CD82: variants seen among roughly 807,000 people sequenced by gnomAD.
The protein encoded by CD82 is CD82 molecule.
CD82 carries 36 observed loss-of-function variants against 37.4 expected under a neutral mutation model. The observed-to-expected ratio is 0.96, with a 90% CI of 0.74 to 1.27. The LOEUF (loss-of-function observed/expected upper bound fraction) is 1.27, where lower values mean the gene tolerates loss of function less well. Among genes scored for constraint, CD82 ranks in the 50% most tolerant of loss-of-function variants. The probability of loss-of-function intolerance (pLI) is 0.00; values close to 1 mark genes in which losing one functional copy is unlikely to be tolerated. For synonymous variants in CD82, 158 were observed against 137.4 expected (o/e 1.15, Z -1.05); for missense variants, 340 against 347.0 (o/e 0.98, Z 0.16).
chr11:44,600,607 G>A (rs16938020), intron 4 of CD82, among the ~76,000 whole-genome samples: 27,684 of 152,182 alleles, frequency 0.18, 2,793 homozygotes, highest in East Asian at 0.27. Flanking sequence ...AGGGATGTAG[G>A]AAAGATAGTC....
At chr11:44,613,062 C>T (rs1853509319) in intron 6 of CD82, among the ~76,000 whole-genome samples, 1 of 152,166 alleles carries the variant, frequency 6.6e-6, no homozygotes. Context: ...GGAAGCTCCA[C>T]CAACAGGGTT....
intron 2 of CD82, among the ~76,000 whole-genome samples, chr11:44,592,186 G>A (rs1853155044): frequency 6.6e-6 from 1 of 152,196 alleles, no homozygotes; most frequent in Non-Finnish European, 1.5e-5. Context: ...CAGAGGATGT[G>A]TGAGCTGGAA....
intron 7 of CD82, among the ~76,000 whole-genome samples, chr11:44,617,316 T>C (rs1421238697): frequency 6.6e-6 from 1 of 152,114 alleles, no homozygotes; most frequent in Admixed American, 6.5e-5. Context: ...CCCAGCACTT[T>C]GGGAGGCCGA....
chr11:44,576,335 G>T (rs190973434), intron 1 of CD82, among the ~76,000 whole-genome samples: 1 of 152,312 alleles, frequency 6.6e-6, no homozygotes. Flanking sequence ...CCAGGTAGGG[G>T]TTAACATCAG....
rs117611577 is a variant in CD82 at position 44,585,610 on chromosome 11, T to G, written c.-102-1865T>G. Among the ~76,000 whole-genome samples the G allele has an allele frequency of 2.8e-3, 423 of 152,326 alleles. 2 individuals are homozygous for G. Among genetic ancestry groups the G allele is most frequent in the Non-Finnish European group, 5.2e-3 (353 of 68,018 alleles). ...CCATCTGTGGATAAGGGAGCAGCTC[T>G]GCAGTGTTTCCCAAGGTCATGTGGC... is the stretch of plus-strand genomic sequence containing the variant. On this transcript the variant is annotated intron_variant, in intron 1 of 9. Transcript: ENST00000227155.
chr11:44,599,670 C>T (rs1853278277), intron 3 of CD82, among the ~76,000 whole-genome samples: 1 of 152,218 alleles, frequency 6.6e-6, no homozygotes, highest in Non-Finnish European at 1.5e-5. Flanking sequence ...AGAATGGGGG[C>T]ACCCGAGTCT....
chr11:44,569,334 A>AC (rs1265699291), intron 1 of CD82, among the ~76,000 whole-genome samples: 1 of 151,286 alleles, frequency 6.6e-6, no homozygotes. Context: ...TTCCTGACTC[A>AC]CCCCCGGGCT....
intron 2 of CD82, among the ~76,000 whole-genome samples, chr11:44,592,220 C>G (rs1289701380): frequency 2.6e-5 from 4 of 152,198 alleles, no homozygotes; most frequent in Non-Finnish European, 5.9e-5. Flanking sequence ...CTTTCCCGGA[C>G]TTTCTGAAAC....
In CD82 at chr11:44,597,517, C is replaced by T. The variant is rs1853246733; in HGVS notation, c.64-2641C>T. ...GGCTAATCCAGCCACATCTGACCATCAGGCTGGGGTCATCAGACCTACAGA... is the reference window on the plus strand; with the variant it reads ...GGCTAATCCAGCCACATCTGACCATTAGGCTGGGGTCATCAGACCTACAGA... On this transcript the variant is annotated intron_variant, in intron 3 of 9. Transcript: ENST00000227155. The surrounding 1 kb of genome is among the most constrained non-coding windows in gnomAD (Gnocchi z 4.1). Among the ~76,000 whole-genome samples, 1 of 152,278 alleles carries T rather than the reference C, an allele frequency of 6.6e-6. No individual in the cohort carries two copies. The highest frequency in any genetic ancestry group is 2.4e-5 in the African/African-American group (1 of 41,474).
At chr11:44,618,766 C>G (rs1853610235) in intron 9 of CD82, 43 bp downstream of exon 9, 1 of 1,535,946 alleles carries the variant, frequency 6.5e-7, no homozygotes, top group South Asian at 1.1e-5. Context: ...CCAGGTCCTC[C>G]TGGGTTGTCT....
At chr11:44,618,800 A>T in intron 9 of CD82, 77 bp downstream of exon 9, 1 of 1,309,486 alleles carries the variant, frequency 7.6e-7, no homozygotes, top group Non-Finnish European at 1.1e-6. Context: ...CTCCTTGGGG[A>T]GGTGGTGGCC....
intron 2 of CD82, among the ~76,000 whole-genome samples, chr11:44,590,746 T>C (rs1853133620): frequency 6.6e-6 from 1 of 152,014 alleles, no homozygotes; most frequent in East Asian, 1.9e-4. Flanking sequence ...TTCTGTCTCA[T>C]GGATGGCAGA....
At position 44,619,007 on chromosome 11, in the gene CD82, G is replaced by A. The variant is rs141512107; in HGVS notation, c.727-42G>A. On this transcript the variant is annotated intron_variant, in intron 9 of 9. Coordinates refer to ENST00000227155, the MANE Select transcript of CD82 (RefSeq NM_002231.4). ...TGGTGAGGCTGGGGCGTCTGAGGCC[G>A]GGACACCCAGCCTCCCTCTGACTCT... is the stretch of plus-strand genomic sequence containing the variant. The A allele has an allele frequency of 9.5e-3, 14,866 of 1,560,098 alleles. 121 individuals carry two copies. The highest frequency in any genetic ancestry group is 0.027 in the Middle Eastern group (162 of 5,996).
At chr11:44,601,162 G>T (rs1027761343) in intron 4 of CD82, among the ~76,000 whole-genome samples, 1 of 152,116 alleles carries the variant, frequency 6.6e-6, no homozygotes, top group African/African-American at 2.4e-5. Context: ...CGCTGAGTTT[G>T]GCCTTGGCTC....
intron 7 of CD82, among the ~76,000 whole-genome samples, chr11:44,616,276 G>T (rs1853562976): frequency 6.6e-6 from 1 of 152,204 alleles, no homozygotes; most frequent in East Asian, 1.9e-4. Context: ...GGAGAGCGAT[G>T]TTTTCTGGCC....
In CD82 at chr11:44,619,377, A is replaced by G. The variant is rs902470562; in HGVS notation, c.*251A>G. ...GGTTCTCTTAGCAACTCAGAGAAAA[A>G]TGCTCCCCACAGCGTCCCTGGCGCA... On this transcript the variant is annotated 3_prime_UTR_variant, in exon 10 of 10. Coordinates refer to ENST00000227155, the MANE Select transcript of CD82 (RefSeq NM_002231.4). 1 of 507,314 alleles carries G rather than the reference A, an allele frequency of 2.0e-6. No homozygotes were observed. Among genetic ancestry groups the G allele is most frequent in the African/African-American group, 2.0e-5 (1 of 51,190 alleles). 31.4% of individuals were successfully genotyped at this position (507,314 alleles called of 1,614,324 possible). A position where few individuals can be genotyped will look rare whatever the true frequency, so the allele number is the denominator to read the frequency against.
Position 44,588,622 on chromosome 11 carries a change from A to C in CD82, c.-21+1066A>C, listed in dbSNP as rs572428331. On this transcript the variant is annotated intron_variant, in intron 2 of 9. Coordinates refer to ENST00000227155, the MANE Select transcript of CD82 (RefSeq NM_002231.4). ...GGTCACACAGCTAGGAGGCATTAGAACTGCATTCAAATCCAAGGCAGCCTG... is the reference window on the plus strand; with the variant it reads ...GGTCACACAGCTAGGAGGCATTAGACCTGCATTCAAATCCAAGGCAGCCTG... 2.0e-5 allele frequency among the ~76,000 whole-genome samples: 3 copies of C among 152,280 alleles called. No individual in the cohort carries two copies. The East Asian group carries it at 5.8e-4, about 29-fold the overall frequency.
At position 44,619,256 on chromosome 11, in the gene CD82, A is replaced by T; in HGVS notation, c.*130A>T. On this transcript the variant is annotated 3_prime_UTR_variant, in exon 10 of 10. Coordinates refer to ENST00000227155, the MANE Select transcript of CD82 (RefSeq NM_002231.4). ...CCTCTTGCCCATCCTGACTGAAAGT[A>T]GGGGGCTTTCTGGGGCCTAGCGATC... is the stretch of plus-strand genomic sequence containing the variant. 2 of 735,424 alleles carry T rather than the reference A, an allele frequency of 2.7e-6. No homozygotes were observed. The highest frequency in any genetic ancestry group is 4.8e-6 in the Non-Finnish European group (2 of 415,098). The allele number at this position is 735,424 out of a possible 1,614,324, so 45.6% of individuals were successfully genotyped here.
rs1027574512 is a variant in CD82 at position 44,619,322 on chromosome 11, T to C, written c.*196T>C. On this transcript the variant is annotated 3_prime_UTR_variant, in exon 10 of 10. Transcript: ENST00000227155. Reference sequence around the variant, plus strand: ...GCTGCCAGCCTTGAGCCCTGGCTGTTCTGTGGTTCCTCTGCTCACCGCCCA... The same window carrying C: ...GCTGCCAGCCTTGAGCCCTGGCTGTCCTGTGGTTCCTCTGCTCACCGCCCA... The C allele has an allele frequency of 3.4e-6, 2 of 584,662 alleles. No individual in the cohort carries two copies. Among genetic ancestry groups the C allele is most frequent in the Non-Finnish European group, 6.1e-6 (2 of 326,626 alleles). 36.2% of individuals were successfully genotyped at this position (584,662 alleles called of 1,614,324 possible).
Sources: gnomAD v4.1 joint callset for allele counts (sites outside exome capture counted in the v4.1 genomes callset) on GRCh38, gnomAD v4.1.1 for gene constraint, Gnocchi (gnomAD v3.1) non-coding constraint, MANE v1.5 for transcripts, NCBI Gene and HGNC (gene_info 2026-07-23, HGNC 2026-07-21) for gene names.